KRAS: variants seen among roughly 807,000 people sequenced by gnomAD.
KRAS encodes the protein KRas proto-oncogene, GTPase.
Under a neutral mutation model 21.0 loss-of-function variants are expected in KRAS, and 1 was observed. The observed-to-expected ratio is 0.05, with a 90% CI of 0.02 to 0.23. The LOEUF is 0.23. KRAS is among the 10% of genes least tolerant of loss of function. KRAS has a pLI of 1.00. For synonymous variants in KRAS, 67 were observed against 72.5 expected, an observed-to-expected ratio of 0.92 and a Z score of 0.39; for missense variants, 107 against 221.8, an observed-to-expected ratio of 0.48 and a Z score of 3.29.
At chr12:25,239,359 G>A (rs11047915) in intron 2 of KRAS, among the ~76,000 whole-genome samples, 59,546 of 151,982 alleles carry the variant, frequency 0.39, 11,835 homozygotes, top group African/African-American at 0.46. Context: ...AGATAGCTCA[G>A]TTTTTTCCCA....
At position 25,227,356 on chromosome 12, in the gene KRAS, G is replaced by C. The variant is rs958790148; in HGVS notation, c.168C>G (p.Leu56=). The part of the protein sequence containing the change: ...IDGETCLLDI[L]DTAGQEEYSA... ...TGTACTCCTCTTGACCTGCTGTGTC[G>C]AGAATATCCAAGAGACAGGTTTCTC... The change falls in exon 3 of 5, where the codon CTC becomes CTG. Residue 56 remains leucine (L), a synonymous_variant. Transcript: ENST00000311936. The C allele has an allele frequency of 1.9e-6, 3 of 1,613,966 alleles. No homozygotes were observed. The highest frequency in any genetic ancestry group is 2.5e-6 in the Non-Finnish European group (3 of 1,179,934).
intron 4 of KRAS, 58 bp from the exon 5 acceptor site, chr12:25,209,969 G>C: frequency 7.6e-7 from 1 of 1,308,114 alleles, no homozygotes; most frequent in East Asian, 2.4e-5. Context: ...ATGTGTACAG[G>C]TAACAAATTT....
At chr12:25,213,255 G>A (rs191792155) in intron 4 of KRAS, among the ~76,000 whole-genome samples, 5 of 152,190 alleles carry the variant, frequency 3.3e-5, no homozygotes, top group Non-Finnish European at 7.4e-5. Flanking sequence ...AATAGTACGT[G>A]CTTAAACCTT....
intron 2 of KRAS, among the ~76,000 whole-genome samples, chr12:25,232,427 T>C (rs1297627008): frequency 6.6e-6 from 1 of 152,170 alleles, no homozygotes; most frequent in Non-Finnish European, 1.5e-5. Flanking sequence ...TCTCAACAAA[T>C]ATTATTTATT....
chr12:25,211,490 G>A (rs554757229), intron 4 of KRAS, among the ~76,000 whole-genome samples: 1 of 152,086 alleles, frequency 6.6e-6, no homozygotes, highest in Non-Finnish European at 1.5e-5. Context: ...CAGGAGAATT[G>A]CTGAACCCGG....
At chr12:25,214,755 C>T (rs1458190207) in intron 4 of KRAS, among the ~76,000 whole-genome samples, 1 of 152,016 alleles carries the variant, frequency 6.6e-6, no homozygotes, top group Non-Finnish European at 1.5e-5. Context: ...ACTGGTAAAC[C>T]AAATAGGAGG....
chr12:25,223,046 T>G (rs1951347930), intron 4 of KRAS, among the ~76,000 whole-genome samples: 1 of 152,214 alleles, frequency 6.6e-6, no homozygotes, highest in Non-Finnish European at 1.5e-5. Context: ...TGAATTAGAA[T>G]CTGGATTTTA....
rs34584556 is a variant in KRAS at position 25,228,178 on chromosome 12, C to CTTTT, written c.112-770_112-767dup. On this transcript the variant is annotated intron_variant, in intron 2 of 4. Coordinates refer to ENST00000311936, the MANE Select transcript of KRAS (RefSeq NM_004985.5). ...GATTTTGGATTTTTTTTTCTTTCAT[C>CTTTT]TTTTTTTTTTTTTTTTTTTTTTTGG... 7.2e-3 allele frequency among the ~76,000 whole-genome samples: 551 copies of CTTTT among 76,684 alleles called. 1 individual carries two copies. The highest frequency in any genetic ancestry group is 9.6e-3 in the South Asian group (17 of 1,778). The allele number at this position is 76,684 out of a possible 152,430, so 50.3% of individuals were successfully genotyped here.
intron 2 of KRAS, chr12:25,235,317 G>A (rs1403751683): frequency 4.2e-6 from 2 of 470,902 alleles, no homozygotes; most frequent in Non-Finnish European, 7.9e-6. Flanking sequence ...ACTGTAGAAT[G>A]ATGTGTTCCG....
Position 25,234,201 on chromosome 12 carries a change from G to A in KRAS, c.112-6789C>T, listed in dbSNP as rs61761149. The A allele has an allele frequency of 6.4e-3, 1,094 of 171,462 alleles. 7 individuals carry two copies. Among genetic ancestry groups the A allele is most frequent in the African/African-American group, 0.024 (1,008 of 42,072 alleles). 10.6% of individuals were successfully genotyped at this position (171,462 alleles called of 1,614,324 possible). A position where few individuals can be genotyped will look rare whatever the true frequency, so the allele number is the denominator to read the frequency against. On this transcript the variant is annotated intron_variant, in intron 2 of 4. Transcript: ENST00000311936. ...AATTAAATTTTATATAATATGTAAA[G>A]TTTTATGTAAAAATACAACCAAAAC... is the stretch of plus-strand genomic sequence containing the variant.
chr12:25,245,826 A>C (rs921466579), intron 1 of KRAS, among the ~76,000 whole-genome samples: 3 of 152,188 alleles, frequency 2.0e-5, no homozygotes, highest in African/African-American at 7.2e-5. Context: ...TTATTGTTAC[A>C]GTTTTCCTAG....
chr12:25,242,916 A>G lies in KRAS; in HGVS notation c.111+2358T>C, dbSNP rs549243117. Among the ~76,000 whole-genome samples the G allele has an allele frequency of 3.6e-4, 55 of 152,278 alleles. No homozygotes were observed. The South Asian group carries it at 0.011, about 32-fold the overall frequency. On this transcript the variant is annotated intron_variant, in intron 2 of 4. Coordinates refer to ENST00000311936, the MANE Select transcript of KRAS (RefSeq NM_004985.5). Reference sequence around the variant, plus strand: ...GACATTATTGAAAGAAACAATAGCCACCCTCCTTACTATCTCTTAGTGTAA... The same window carrying G: ...GACATTATTGAAAGAAACAATAGCCGCCCTCCTTACTATCTCTTAGTGTAA...
At chr12:25,224,183 TAAAAAAAAA>T (rs5797121) in intron 4 of KRAS, among the ~76,000 whole-genome samples, 3 of 79,714 alleles carry the variant, frequency 3.8e-5, no homozygotes, top group African/African-American at 1.4e-4. Context: ...TCCTATTTAC[TAAAAAAAAA>T]AAAAAAAAAA....
At position 25,208,679 on chromosome 12, in the gene KRAS, C is replaced by T. The variant is rs2141480193; in HGVS notation, c.*1116G>A. ...ATTGTATCTTGTTGAGCTATCCAAA[C>T]TGCCCTAGTCCCTCCCCATTTTGAC... On this transcript the variant is annotated 3_prime_UTR_variant, in exon 5 of 5. Transcript: ENST00000311936. The T allele has an allele frequency of 4.3e-6, 1 of 232,772 alleles. No homozygotes were observed. Among genetic ancestry groups the T allele is most frequent in the African/African-American group, 2.2e-5 (1 of 45,410 alleles). 14.4% of individuals were successfully genotyped at this position (232,772 alleles called of 1,614,324 possible).
At chr12:25,237,070 T>C (rs1198772471) in intron 2 of KRAS, among the ~76,000 whole-genome samples, 1 of 152,078 alleles carries the variant, frequency 6.6e-6, no homozygotes, top group Non-Finnish European at 1.5e-5. Flanking sequence ...GAAAAAGGAA[T>C]GAAGGAATGA....
In KRAS at chr12:25,209,669, A is replaced by G. The variant is rs552488222; in HGVS notation, c.*126T>C. ...TTTTAAAATAAGCATTTAAGGTAAA[A>G]GCTAACAGTCTGCATGGAGCAGGAA... is the stretch of plus-strand genomic sequence containing the variant. On this transcript the variant is annotated 3_prime_UTR_variant, in exon 5 of 5. Transcript: ENST00000311936. The G allele has an allele frequency of 9.8e-6, 14 of 1,425,208 alleles. No homozygotes were observed. In the African/African-American group the frequency reaches 2.0e-4, roughly 21 times the overall value. The allele number at this position is 1,425,208 out of a possible 1,614,324, so 88.3% of individuals were successfully genotyped here. A position where few individuals can be genotyped will look rare whatever the true frequency, so the allele number is the denominator to read the frequency against.
rs1951182056 is a variant in KRAS at position 25,209,644 on chromosome 12, T to C, written c.*151A>G. 5 of 1,368,978 alleles carry C rather than the reference T, an allele frequency of 3.7e-6. No individual in the cohort carries two copies. In the East Asian group the frequency reaches 1.4e-4, roughly 38 times the overall value. 84.8% of individuals were successfully genotyped at this position (1,368,978 alleles called of 1,614,324 possible). On this transcript the variant is annotated 3_prime_UTR_variant, in exon 5 of 5. Transcript: ENST00000311936. ...GAGGAAAAAAAAACTTCCACTGTCA[T>C]TTTAAAATAAGCATTTAAGGTAAAA...
chr12:25,250,890 C>CGCCGCCGCCGCT lies in KRAS; in HGVS notation c.-152_-151insAGCGGCGGCGGC, dbSNP rs1380564278. On this transcript the variant is annotated 5_prime_UTR_variant, in exon 1 of 5. Coordinates refer to ENST00000311936, the MANE Select transcript of KRAS (RefSeq NM_004985.5). ...CCGCCACCTTCGCCGCCGCCACTGC[C>CGCCGCCGCCGCT]GCCGCCGCTGCTGCCTCCGCCGCCG... The CGCCGCCGCCGCT allele has an allele frequency of 1.6e-5, 4 of 250,508 alleles. No individual in the cohort carries two copies. Among genetic ancestry groups the CGCCGCCGCCGCT allele is most frequent in the East Asian group, 1.3e-4 (2 of 15,868 alleles). The allele number at this position is 250,508 out of a possible 1,614,324, so 15.5% of individuals were successfully genotyped here.
Position 25,209,714 on chromosome 12 carries a change from A to C in KRAS, c.*81T>G. On this transcript the variant is annotated 3_prime_UTR_variant, in exon 5 of 5. Transcript: ENST00000311936. ...CAGGAAAAAAATTAGGTAATGCTAA[A>C]ACAAATGCTAATAATTTAGTGTAAT... is the stretch of plus-strand genomic sequence containing the variant. 1.3e-6 allele frequency: 2 copies of C among 1,556,210 alleles called. No individual in the cohort carries two copies. The highest frequency in any genetic ancestry group is 1.2e-5 in the South Asian group (1 of 82,420).
Sources: allele counts gnomAD v4.1 joint callset (sites outside exome capture counted in the v4.1 genomes callset), GRCh38; gene constraint gnomAD v4.1.1; transcripts MANE v1.5; gene names NCBI Gene and HGNC (gene_info 2026-07-23, HGNC 2026-07-21).